The following MAML3 variants were observed in gnomAD, a reference collection of about 807,000 sequenced individuals.
MAML3 encodes mastermind-like protein 3.
In MAML3, 27 loss-of-function variants were observed where a neutral mutation model predicts 101.9. The ratio of observed to expected loss-of-function variants is 0.27; its 90% CI spans 0.20 to 0.37. MAML3 has a LOEUF of 0.37. Ranked by LOEUF, MAML3 falls within the 10% of genes least tolerant of loss-of-function variation. The pLI, the probability that MAML3 is intolerant of heterozygous loss-of-function variation, is 1.00. For missense variants in MAML3, 1,316 were observed against 1,444.9 expected (o/e 0.91, Z 1.45); for synonymous variants, 501 against 555.9 (o/e 0.90, Z 1.39).
At chr4:139,760,410 T>C (rs1333744347) in intron 2 of MAML3, among the ~76,000 whole-genome samples, 2 of 152,228 alleles carry the variant, frequency 1.3e-5, no homozygotes, top group Non-Finnish European at 2.9e-5. Flanking sequence ...TCTGCTGGGC[T>C]GTAATCCCAG....
chr4:139,801,089 T>G (rs970720757), intron 2 of MAML3, among the ~76,000 whole-genome samples: 14 of 152,214 alleles, frequency 9.2e-5, no homozygotes, highest in Non-Finnish European at 2.1e-4. Context: ...ACCAGGCTTC[T>G]AAGAGTAGCT....
intron 1 of MAML3, among the ~76,000 whole-genome samples, chr4:140,098,785 CTCCAGGGTT>C (rs537200765): frequency 6.6e-6 from 1 of 152,360 alleles, no homozygotes; most frequent in South Asian, 2.1e-4. Flanking sequence ...ACACCCTGGC[CTCCAGGGTT>C]TAGACAGAAA....
At position 139,889,285 on chromosome 4, in the gene MAML3, A is replaced by G. The variant is rs768288023; in HGVS notation, c.2079+72T>C. 7 of 1,612,304 alleles carry G rather than the reference A, an allele frequency of 4.3e-6. No homozygotes were observed. In the African/African-American group the frequency reaches 8.0e-5, roughly 18 times the overall value. On this transcript the variant is annotated intron_variant, in intron 2 of 4. Coordinates refer to ENST00000509479, the MANE Select transcript of MAML3 (RefSeq NM_018717.5). ...AGACCCCACTACAGTGGAAGCTTGT[A>G]GAACATCACACATCGACAGTCTGAA...
rs79571976 is a variant in MAML3 at position 139,977,953 on chromosome 4, A to G, written c.469-86986T>C. 6.9e-3 allele frequency among the ~76,000 whole-genome samples: 1,053 copies of G among 152,316 alleles called. 14 individuals carry two copies. The highest frequency in any genetic ancestry group is 0.024 in the African/African-American group (1,004 of 41,568). The stretch of plus-strand genomic sequence containing the variant: ...TTTTCTGTTCCTACACAGAAATTAC[A>G]GGAAATTCATCACAGAATCAGTGAA... On this transcript the variant is annotated intron_variant, in intron 1 of 4. Transcript: ENST00000509479.
chr4:139,803,053 C>T (rs1730636781), intron 2 of MAML3, among the ~76,000 whole-genome samples: 1 of 152,160 alleles, frequency 6.6e-6, no homozygotes, highest in Admixed American at 6.5e-5. Flanking sequence ...ATTTGTGGCT[C>T]TTCCAACATG....
intron 1 of MAML3, among the ~76,000 whole-genome samples, chr4:139,993,460 G>C (rs1734720077): frequency 9.3e-6 from 1 of 107,256 alleles, no homozygotes; most frequent in South Asian, 4.1e-4. Flanking sequence ...TTTTCTCCCA[G>C]TATGGTTCTT....
chr4:140,100,818 A>G (rs1164184504), intron 1 of MAML3, among the ~76,000 whole-genome samples: 1 of 152,122 alleles, frequency 6.6e-6, no homozygotes, highest in Non-Finnish European at 1.5e-5. Context: ...GCTTGGACCA[A>G]TCAAGTATGG....
chr4:139,988,326 C>CAAAAAAAA (rs764018702), intron 1 of MAML3, among the ~76,000 whole-genome samples: 12 of 81,922 alleles, frequency 1.5e-4, no homozygotes, highest in African/African-American at 4.4e-4. Context: ...GACTCCGTCT[C>CAAAAAAAA]AAAAAAAAAA....
chr4:139,940,978 T>G (rs563070666), intron 1 of MAML3, among the ~76,000 whole-genome samples: 1 of 152,204 alleles, frequency 6.6e-6, no homozygotes, highest in Non-Finnish European at 1.5e-5. Context: ...AGATCACAAG[T>G]GATGCTGATG....
chr4:140,023,998 C>A (rs1726780072), intron 1 of MAML3, among the ~76,000 whole-genome samples: 1 of 152,308 alleles, frequency 6.6e-6, no homozygotes, highest in East Asian at 1.9e-4. Context: ...ATAGCAAGAG[C>A]ATATTAATGA....
intron 1 of MAML3, among the ~76,000 whole-genome samples, chr4:140,074,199 G>GAGAGAGAA (rs1553973033): frequency 7.3e-5 from 6 of 82,042 alleles, no homozygotes; most frequent in African/African-American, 2.2e-4. Flanking sequence ...GAGAAAGAAA[G>GAGAGAGAA]AGAAAGAAAG....
intron 1 of MAML3, among the ~76,000 whole-genome samples, chr4:139,994,896 T>C (rs1477843166): frequency 6.6e-6 from 1 of 152,078 alleles, no homozygotes; most frequent in Non-Finnish European, 1.5e-5. Flanking sequence ...TTTGCCTTAT[T>C]GCATTGTCTA....
chr4:139,768,967 G>C (rs77502669), intron 2 of MAML3, among the ~76,000 whole-genome samples: 3,810 of 152,300 alleles, frequency 0.025, 153 homozygotes, highest in African/African-American at 0.085. Flanking sequence ...GACTCTACGG[G>C]AATGGGGAAA....
At chr4:139,759,118 T>G (rs1729707552) in intron 2 of MAML3, among the ~76,000 whole-genome samples, 1 of 152,216 alleles carries the variant, frequency 6.6e-6, no homozygotes, top group African/African-American at 2.4e-5. Context: ...TGATTTCTCC[T>G]CTGATCCCTG....
In MAML3 at chr4:140,152,976, G is replaced by C. The variant is rs776559011; in HGVS notation, c.352C>G (p.Leu118Val). ...RDTVSLYQRT[L>V]EQRAKKSGAG... ...CCCGATTTCTTGGCCCTCTGCTCCAGGGTCCGCTGGTAGAGGCTCACGGTG... is the reference window on the plus strand; with the variant it reads ...CCCGATTTCTTGGCCCTCTGCTCCACGGTCCGCTGGTAGAGGCTCACGGTG... Residue 118 changes from leucine to valine, a missense_variant, in exon 1 of 5, where the codon CTG becomes GTG. Transcript: ENST00000509479. 6.2e-7 allele frequency: 1 copy of C among 1,610,902 alleles called. No homozygotes were observed. The highest frequency in any genetic ancestry group is 8.5e-7 in the Non-Finnish European group (1 of 1,178,778).
chr4:139,739,567 C>T (rs1182392497), intron 2 of MAML3, among the ~76,000 whole-genome samples: 2 of 151,964 alleles, frequency 1.3e-5, no homozygotes, highest in African/African-American at 4.8e-5. Flanking sequence ...AATTATGGTA[C>T]ATCCATACCA....
intron 1 of MAML3, among the ~76,000 whole-genome samples, chr4:139,974,043 C>T (rs189046720): frequency 2.6e-4 from 39 of 151,978 alleles, no homozygotes; most frequent in African/African-American, 5.3e-4. Context: ...GATGAATTAA[C>T]GGCCTACAAC....
chr4:139,938,879 T>C (rs368435127), intron 1 of MAML3, among the ~76,000 whole-genome samples: 18 of 152,334 alleles, frequency 1.2e-4, no homozygotes, highest in African/African-American at 4.3e-4. Context: ...ACAAACCCAA[T>C]TAATGCAACG....
At chr4:139,995,745 C>A (rs1734796107) in intron 1 of MAML3, among the ~76,000 whole-genome samples, 1 of 152,020 alleles carries the variant, frequency 6.6e-6, no homozygotes, top group Admixed American at 6.6e-5. Context: ...AGTCTAGCTA[C>A]AACTTTTGGT....
Sources: allele counts gnomAD v4.1 joint callset (sites outside exome capture counted in the v4.1 genomes callset), GRCh38; gene constraint gnomAD v4.1.1; transcripts MANE v1.5; gene names NCBI Gene and HGNC (gene_info 2026-07-23, HGNC 2026-07-21).